The following BBS1 variants were observed in gnomAD, a reference collection of about 807,000 sequenced individuals.
The protein encoded by BBS1 is Bardet-Biedl syndrome 1, also known as BBSome complex member BBS1.
BBS1 carries 60 observed loss-of-function variants against 73.9 expected under a neutral mutation model. The observed-to-expected ratio is 0.81, with a 90% CI of 0.66 to 1.01. BBS1 has a LOEUF of 1.01. Among genes scored for constraint, BBS1 ranks in the 50% least tolerant of loss-of-function variants. The pLI is 0.00. For synonymous variants in BBS1, 283 were observed against 317.4 expected, an observed-to-expected ratio of 0.89 and a Z score of 1.15; for missense variants, 718 against 770.3, an observed-to-expected ratio of 0.93 and a Z score of 0.80.
At chr11:66,512,724 A>G (rs1219631580) in intron 3 of BBS1, among the ~76,000 whole-genome samples, 1 of 152,144 alleles carries the variant, frequency 6.6e-6, no homozygotes, top group Non-Finnish European at 1.5e-5. Context: ...TAATCCCAGC[A>G]CTTTAGGAGG....
At chr11:66,510,812 TTAAGAGGTCA>T in intron 1 of BBS1, 106 bp downstream of exon 1, 1 of 1,526,660 alleles carries the variant, frequency 6.6e-7, no homozygotes, top group Non-Finnish European at 9.1e-7. Context: ...GGAAGGACTC[TTAAGAGGTCA>T]GATAGGGAAA....
At chr11:66,530,509 C>G (rs1417103342) in intron 14 of BBS1, among the ~76,000 whole-genome samples, 1 of 152,160 alleles carries the variant, frequency 6.6e-6, no homozygotes, top group Non-Finnish European at 1.5e-5. Flanking sequence ...TTCTCTTTTC[C>G]TAAAGAGTGG....
At chr11:66,531,291 G>C (rs1856770822) in intron 15 of BBS1, among the ~76,000 whole-genome samples, 1 of 152,224 alleles carries the variant, frequency 6.6e-6, no homozygotes, top group East Asian at 1.9e-4. Context: ...AAAACTGCTA[G>C]AGCCTGAACC....
At chr11:66,528,854 G>C (rs187679134) in intron 13 of BBS1, among the ~76,000 whole-genome samples, 1,568 of 151,292 alleles carry the variant, frequency 0.01, 17 homozygotes, top group South Asian at 0.03. Flanking sequence ...TGTAATTCCA[G>C]CTACTCGGGA....
Position 66,530,933 on chromosome 11 carries a change from C to T in BBS1, c.1513C>T (p.Leu505=). ...CCCCACCTTTAAGCTCACACTTCAC[C>T]TGCAGAACACCTCAACAACCCGTCC... is the stretch of plus-strand genomic sequence containing the variant. ...LGPTFKLTLH[L]QNTSTTRPVL... The change falls in exon 15 of 17, where the codon CTG becomes TTG. Residue 505 remains leucine, a synonymous_variant. Transcript: ENST00000318312. 1.9e-6 allele frequency: 3 copies of T among 1,614,248 alleles called. No individual in the cohort carries two copies. The highest frequency in any genetic ancestry group is 2.5e-6 in the Non-Finnish European group (3 of 1,180,044).
intron 13 of BBS1, chr11:66,527,047 A>T (rs1856544302): frequency 6.5e-7 from 1 of 1,532,016 alleles, no homozygotes; most frequent in African/African-American, 1.4e-5. Flanking sequence ...CAGGGAAGGG[A>T]GCAGTCACTT....
chr11:66,531,557 G>T (rs1014847706), intron 15 of BBS1, 99 bp from the exon 16 acceptor site: 37 of 1,501,210 alleles, frequency 2.5e-5, no homozygotes, highest in Non-Finnish European at 3.4e-5. Flanking sequence ...CCCTGCAGGG[G>T]TGCTGAGGCT....
chr11:66,530,228 G>A (rs142138706), intron 14 of BBS1, among the ~76,000 whole-genome samples: 159 of 152,278 alleles, frequency 1.0e-3, no homozygotes, highest in Middle Eastern at 3.4e-3. Flanking sequence ...GTCATATTAG[G>A]ACATTTCTTC....
chr11:66,510,911 G>A lies in BBS1; in HGVS notation c.48-102G>A, dbSNP rs538271755. On this transcript the variant is annotated intron_variant, in intron 1 of 16. Coordinates refer to ENST00000318312, the MANE Select transcript of BBS1 (RefSeq NM_024649.5). ...GCGGAGCCTGGACTTGTACCCAGAC[G>A]TTCTGTACCTTATGTTCAGAGTGAC... The A allele has an allele frequency of 2.1e-5, 30 of 1,440,126 alleles. No homozygotes were observed. The African/African-American group carries it at 3.9e-4, about 19-fold the overall frequency. 89.2% of individuals were successfully genotyped at this position (1,440,126 alleles called of 1,614,324 possible). A position where few individuals can be genotyped will look rare whatever the true frequency, so the allele number is the denominator to read the frequency against.
intron 11 of BBS1, among the ~76,000 whole-genome samples, chr11:66,524,645 T>A (rs151136668): frequency 6.6e-6 from 1 of 152,222 alleles, no homozygotes; most frequent in African/African-American, 2.4e-5. Context: ...GGCTCTTGAT[T>A]AAGGAATCCA....
At chr11:66,522,654 A>T (rs1258605556) in intron 9 of BBS1, among the ~76,000 whole-genome samples, 1 of 152,094 alleles carries the variant, frequency 6.6e-6, no homozygotes, top group African/African-American at 2.4e-5. Context: ...CCTAACATGC[A>T]TTTTTTTAAT....
At position 66,523,879 on chromosome 11, in the gene BBS1, C is replaced by T. The variant is rs2134797905; in HGVS notation, c.1107C>T (p.Thr369=). The change falls in exon 11 of 17, where the codon ACC becomes ACT. Residue 369 remains threonine (T), a synonymous_variant. Coordinates refer to ENST00000318312, the MANE Select transcript of BBS1 (RefSeq NM_024649.5). The stretch of plus-strand genomic sequence containing the variant: ...AGGCCCTGCTCAATGTCATCCACAC[C>T]CCGGTGAGCCCCATCTCCGGCATCT... ...RDKALLNVIH[T]PDAVTSLCFG... 1.2e-6 allele frequency: 2 copies of T among 1,613,020 alleles called. No homozygotes were observed. Among genetic ancestry groups the T allele is most frequent in the East Asian group, 4.5e-5 (2 of 44,888 alleles).
At chr11:66,522,179 T>C (rs1015376279) in intron 9 of BBS1, among the ~76,000 whole-genome samples, 6 of 150,434 alleles carry the variant, frequency 4.0e-5, no homozygotes, top group African/African-American at 1.5e-4. Flanking sequence ...ATCACGCCAC[T>C]GCCCTCCAGC....
intron 8 of BBS1, chr11:66,520,839 T>G (rs1424896001): frequency 3.5e-6 from 1 of 285,474 alleles, no homozygotes; most frequent in African/African-American, 2.2e-5. Flanking sequence ...GCTCAAACAG[T>G]CCTCTCACCT....
chr11:66,526,841 T>C, intron 13 of BBS1, 34 bp downstream of exon 13: 1 of 1,614,144 alleles, frequency 6.2e-7, no homozygotes, highest in Non-Finnish European at 8.5e-7. Flanking sequence ...CCCTTCTTCC[T>C]CCTCCACTGC....
chr11:66,520,298 T>G (rs1343572162), intron 8 of BBS1: 2 of 158,308 alleles, frequency 1.3e-5, no homozygotes, highest in Non-Finnish European at 2.8e-5. Context: ...TTGTTTTTTG[T>G]TTTTGAGGCA....
chr11:66,529,655 C>T (rs1326205868), intron 13 of BBS1, among the ~76,000 whole-genome samples, 164 bp from the exon 14 acceptor site: 1 of 151,982 alleles, frequency 6.6e-6, no homozygotes, highest in African/African-American at 2.4e-5. Context: ...CGAGTTTTGC[C>T]AGAAGGCTGG....
chr11:66,521,116 A>T, intron 8 of BBS1, 154 bp from the exon 9 acceptor site: 1 of 701,098 alleles, frequency 1.4e-6, no homozygotes, highest in Non-Finnish European at 2.6e-6. Flanking sequence ...ATGTTGCCCC[A>T]AGTTTCCCTC....
Position 66,531,990 on chromosome 11 carries a change from A to C in BBS1, c.1735A>C (p.Ser579Arg). 1 of 1,607,510 alleles carries C rather than the reference A, an allele frequency of 6.2e-7. No homozygotes were observed. Among genetic ancestry groups the C allele is most frequent in the Non-Finnish European group, 8.5e-7 (1 of 1,177,540 alleles). Reference sequence around the variant, plus strand: ...AGAAGGCCAAAGTGCACCCCTGCTGAGTGCCCACGTCAACATGCCTGGGAG... The same window carrying C: ...AGAAGGCCAAAGTGCACCCCTGCTGCGTGCCCACGTCAACATGCCTGGGAG... ...LREGQSAPLL[S>R]AHVNMPGSEG... The change falls in exon 17 of 17, where the codon AGT becomes CGT. Residue 579 changes from serine to arginine, a missense_variant. Ser to Arg is a moderately radical substitution (Grantham distance 110, BLOSUM62 -1). Transcript: ENST00000318312.
Sources: allele counts gnomAD v4.1 joint callset (sites outside exome capture counted in the v4.1 genomes callset), GRCh38; gene constraint gnomAD v4.1.1; transcripts MANE v1.5; gene names NCBI Gene and HGNC (gene_info 2026-07-23, HGNC 2026-07-21).